OPCML: variants seen among roughly 807,000 people sequenced by gnomAD.
OPCML encodes the protein opioid binding protein/cell adhesion molecule like, also known as opioid-binding protein/cell adhesion molecule.
A neutral mutation model predicts 37.8 loss-of-function variants in OPCML; 13 were observed. That is an observed-to-expected ratio of 0.34 (90% confidence interval 0.22 to 0.55). The LOEUF (loss-of-function observed/expected upper bound fraction) is 0.55. Among genes scored for constraint, OPCML ranks in the 20% least tolerant of loss-of-function variants. The pLI is 0.91. For synonymous variants in OPCML, 176 were observed against 168.8 expected (o/e 1.04, Z -0.33); for missense variants, 341 against 435.6 (o/e 0.78, Z 1.93).
intron 2 of OPCML, among the ~76,000 whole-genome samples, chr11:132,695,214 G>A (rs997774453): frequency 1.3e-5 from 2 of 152,190 alleles, no homozygotes; most frequent in African/African-American, 2.4e-5. Flanking sequence ...TTCATTGGAA[G>A]CACGGCCCCT....
At chr11:133,218,863 G>A (rs186635726) in intron 1 of OPCML, among the ~76,000 whole-genome samples, 32 of 152,288 alleles carry the variant, frequency 2.1e-4, no homozygotes, top group African/African-American at 7.5e-4. Flanking sequence ...CTAGAGGCAG[G>A]AGAATGGGCT....
At chr11:132,468,478 C>T (rs115866150) in intron 4 of OPCML, among the ~76,000 whole-genome samples, 4,490 of 152,134 alleles carry the variant, frequency 0.03, 201 homozygotes, top group African/African-American at 0.1. Context: ...CTTTTTAAAA[C>T]GATTTCTAAA....
intron 1 of OPCML, among the ~76,000 whole-genome samples, chr11:133,014,700 GAAC>G (rs745635556): frequency 1.3e-5 from 2 of 152,216 alleles, no homozygotes; most frequent in African/African-American, 2.4e-5. Context: ...ATTTGCATGA[GAAC>G]AACATGTGGC....
intron 1 of OPCML, among the ~76,000 whole-genome samples, chr11:133,495,230 T>C (rs942545227): frequency 6.6e-6 from 1 of 152,244 alleles, no homozygotes; most frequent in Non-Finnish European, 1.5e-5. Flanking sequence ...GCAAATGCCA[T>C]TAATTCATTC....
At position 133,174,236 on chromosome 11, in the gene OPCML, C is replaced by T. The variant is rs1447716510; in HGVS notation, c.62-231226G>A. Among the ~76,000 whole-genome samples the T allele has an allele frequency of 1.3e-5, 2 of 152,166 alleles. No homozygotes were observed. Among genetic ancestry groups the T allele is most frequent in the Admixed American group, 6.5e-5 (1 of 15,270 alleles). On this transcript the variant is annotated intron_variant, in intron 1 of 7. Coordinates refer to ENST00000524381, the MANE Select transcript of OPCML (RefSeq NM_001012393.5). The surrounding 1 kb of genome is among the most constrained non-coding windows in gnomAD (Gnocchi z 4.6). ...AGAAGGAAATGGAGCTCCGGAGTAA[C>T]TCCTAGAAGGCGAAGCATGATTAGA...
chr11:132,667,892 C>T (rs1942290021), intron 2 of OPCML, among the ~76,000 whole-genome samples: 1 of 152,178 alleles, frequency 6.6e-6, no homozygotes, highest in Non-Finnish European at 1.5e-5. Flanking sequence ...ATTCTGCTAG[C>T]TTTGAGAATA....
intron 2 of OPCML, among the ~76,000 whole-genome samples, chr11:132,914,065 A>T (rs552751082): frequency 6.6e-6 from 1 of 152,298 alleles, no homozygotes; most frequent in African/African-American, 2.4e-5. Flanking sequence ...AATCCATCTC[A>T]CTGCTCTCAC....
intron 2 of OPCML, among the ~76,000 whole-genome samples, chr11:132,864,868 T>G (rs1296940093): frequency 2.0e-5 from 3 of 152,240 alleles, no homozygotes; most frequent in Non-Finnish European, 4.4e-5. Context: ...TAATGGGCGA[T>G]TACTCAGCAT....
intron 2 of OPCML, among the ~76,000 whole-genome samples, chr11:132,765,293 TC>T (rs1424902204): frequency 1.3e-5 from 2 of 152,314 alleles, no homozygotes; most frequent in East Asian, 3.9e-4. Flanking sequence ...CAAGACGTCG[TC>T]AGTGAGTACA....
At chr11:132,849,917 C>G (rs1488093683) in intron 2 of OPCML, among the ~76,000 whole-genome samples, 1 of 152,218 alleles carries the variant, frequency 6.6e-6, no homozygotes, top group Non-Finnish European at 1.5e-5. Context: ...TGTCATGGAT[C>G]TCTAAGTTCT....
intron 1 of OPCML, among the ~76,000 whole-genome samples, chr11:133,495,184 C>T (rs1947756226): frequency 6.6e-6 from 1 of 152,202 alleles, no homozygotes; most frequent in African/African-American, 2.4e-5. Flanking sequence ...AGTTACTTCA[C>T]TTAGAATAAT....
rs117047371 is a variant in OPCML at position 132,436,322 on chromosome 11, C to T, written c.765-85G>A. On this transcript the variant is annotated intron_variant, in intron 6 of 7. Transcript: ENST00000524381. ...AACTCTTTTCTCCAACTAATCTCGT[C>T]CTTCAAACTCAAACCCTAAGCACTT... is the stretch of plus-strand genomic sequence containing the variant. 3.0e-3 allele frequency: 4,776 copies of T among 1,605,816 alleles called. 9 individuals are homozygous for T. Among genetic ancestry groups the T allele is most frequent in the Non-Finnish European group, 3.7e-3 (4,343 of 1,178,978 alleles).
intron 1 of OPCML, among the ~76,000 whole-genome samples, chr11:133,530,159 G>A (rs1344236720): frequency 1.3e-5 from 2 of 152,168 alleles, no homozygotes; most frequent in Non-Finnish European, 2.9e-5. Flanking sequence ...AGGCAGGGGT[G>A]CAGGTTCATC....
intron 1 of OPCML, among the ~76,000 whole-genome samples, chr11:133,400,557 G>T (rs1219250669): frequency 1.3e-5 from 2 of 152,134 alleles, no homozygotes; most frequent in Admixed American, 6.5e-5. Flanking sequence ...TGGTGATAAT[G>T]GTTGTACAAT....
intron 1 of OPCML, among the ~76,000 whole-genome samples, chr11:133,341,032 C>G (rs1943857847): frequency 6.6e-6 from 1 of 152,084 alleles, no homozygotes; most frequent in South Asian, 2.1e-4. Flanking sequence ...CTTCACAGCA[C>G]AGATACCTGA....
chr11:132,932,765 T>C (rs1173580091), intron 2 of OPCML, among the ~76,000 whole-genome samples: 3 of 151,172 alleles, frequency 2.0e-5, no homozygotes, highest in African/African-American at 4.8e-5. Context: ...AACTGTTTAT[T>C]GTGCTCTTGC....
At position 132,754,212 on chromosome 11, in the gene OPCML, C is replaced by T. The variant is rs563696435; in HGVS notation, c.147-96893G>A. ...ATAAGGTACTGCTCTTGTATTTAAG[C>T]GACTTACTCCATGATATGGTTTGGC... is the stretch of plus-strand genomic sequence containing the variant. On this transcript the variant is annotated intron_variant, in intron 2 of 7. Coordinates refer to ENST00000524381, the MANE Select transcript of OPCML (RefSeq NM_001012393.5). 5.3e-5 allele frequency among the ~76,000 whole-genome samples: 8 copies of T among 152,236 alleles called. No individual in the cohort carries two copies. The South Asian group carries it at 6.2e-4, about 12-fold the overall frequency.
At chr11:133,010,997 A>G (rs1314746850) in intron 1 of OPCML, among the ~76,000 whole-genome samples, 1 of 152,232 alleles carries the variant, frequency 6.6e-6, no homozygotes, top group East Asian at 1.9e-4. Flanking sequence ...AATTGGTAGT[A>G]CACTATCTGG....
intron 1 of OPCML, among the ~76,000 whole-genome samples, chr11:133,063,626 A>G (rs1212040298): frequency 6.6e-6 from 1 of 150,874 alleles, no homozygotes; most frequent in Non-Finnish European, 1.5e-5. Flanking sequence ...CAATGGCTTG[A>G]TCTTGGCTCA....
Sources: allele counts gnomAD v4.1 joint callset (sites outside exome capture counted in the v4.1 genomes callset), GRCh38; gene constraint gnomAD v4.1.1; non-coding constraint Gnocchi (gnomAD v3.1); transcripts MANE v1.5; gene names NCBI Gene and HGNC (gene_info 2026-07-23, HGNC 2026-07-21).